Variants in SH3BP4 observed in about 807,000 individuals in gnomAD.
The protein encoded by SH3BP4 is SH3 domain binding protein 4.
Under a neutral mutation model 65.5 loss-of-function variants are expected in SH3BP4, and 33 were observed. The observed-to-expected ratio is 0.50, with a 90% CI of 0.38 to 0.67. The LOEUF (loss-of-function observed/expected upper bound fraction) is 0.67. SH3BP4 is among the 30% of genes least tolerant of loss of function. The pLI, the probability that SH3BP4 is intolerant of heterozygous loss-of-function variation, is 0.00. For synonymous variants in SH3BP4, 552 were observed against 545.5 expected, an observed-to-expected ratio of 1.01 and a Z score of -0.17; for missense variants, 1,134 against 1,261.4, an observed-to-expected ratio of 0.90 and a Z score of 1.53.
chr2:235,012,886 A>G (rs939736972), intron 2 of SH3BP4, among the ~76,000 whole-genome samples: 2 of 152,216 alleles, frequency 1.3e-5, no homozygotes, highest in Admixed American at 6.5e-5. Flanking sequence ...GAGAAAGCCA[A>G]GGACCACACC....
intron 2 of SH3BP4, among the ~76,000 whole-genome samples, chr2:234,996,835 G>T (rs1048072454): frequency 1.3e-5 from 2 of 152,206 alleles, no homozygotes; most frequent in African/African-American, 4.8e-5. Context: ...TTGCATTTGG[G>T]GCATCGCCAG....
At chr2:235,048,677 G>A (rs539921084) in intron 4 of SH3BP4, among the ~76,000 whole-genome samples, 23 of 152,332 alleles carry the variant, frequency 1.5e-4, no homozygotes, top group Non-Finnish European at 2.2e-4. Flanking sequence ...GACTCTGGCC[G>A]CCAGGCCCGC....
intron 2 of SH3BP4, among the ~76,000 whole-genome samples, chr2:235,029,889 C>T (rs577553789): frequency 1.5e-4 from 23 of 152,198 alleles, no homozygotes; most frequent in Non-Finnish European, 2.6e-4. Flanking sequence ...TGGGAATCAG[C>T]GGAGCTAAGA....
intron 2 of SH3BP4, among the ~76,000 whole-genome samples, chr2:234,996,993 G>A (rs920442009): frequency 4.6e-5 from 7 of 152,142 alleles, no homozygotes; most frequent in African/African-American, 9.7e-5. Flanking sequence ...GAAGAGGAAC[G>A]GGAGGGTGGG....
chr2:234,980,484 G>GT (rs1693342887), intron 1 of SH3BP4, among the ~76,000 whole-genome samples: 1 of 152,218 alleles, frequency 6.6e-6, no homozygotes, highest in Non-Finnish European at 1.5e-5. Context: ...GGGGACTGCT[G>GT]TATGTTAATG....
At chr2:235,031,510 G>A (rs1420377367) in intron 2 of SH3BP4, among the ~76,000 whole-genome samples, 1 of 152,150 alleles carries the variant, frequency 6.6e-6, no homozygotes, top group Non-Finnish European at 1.5e-5. Flanking sequence ...CTCCTCAATC[G>A]GAAAGCTGCA....
chr2:235,000,350 G>A (rs909217966), intron 2 of SH3BP4, among the ~76,000 whole-genome samples: 1 of 152,192 alleles, frequency 6.6e-6, no homozygotes, highest in African/African-American at 2.4e-5. Flanking sequence ...TGTTATTGAT[G>A]TGACTGGGGG....
chr2:234,970,177 G>T (rs551721262), intron 1 of SH3BP4, among the ~76,000 whole-genome samples: 1 of 152,210 alleles, frequency 6.6e-6, no homozygotes, highest in African/African-American at 2.4e-5. Flanking sequence ...TTTCTAGAGC[G>T]CTTCTGCTTT....
Position 235,043,175 on chromosome 2 carries a change from A to G in SH3BP4, c.2406A>G (p.Leu802=), listed in dbSNP as rs3795962. The G allele has an allele frequency of 0.51, 828,421 of 1,609,960 alleles. 226,975 individuals are homozygous for G. Among genetic ancestry groups the G allele is most frequent in the East Asian group, 0.92 (41,111 of 44,772 alleles). The stretch of plus-strand genomic sequence containing the variant: ...AGCCCGAGCGGGTGGCGTCCGTCCT[A>G]GAAAAGCTGAAGGAGGACTGTAACA... ...DSEPERVASV[L]EKLKEDCNNT... is the part of the protein sequence containing the mutation. The change falls in exon 4 of 6, where the codon CTA becomes CTG. Residue 802 remains leucine (L), a synonymous_variant. Coordinates refer to ENST00000392011, the MANE Select transcript of SH3BP4 (RefSeq NM_014521.3).
chr2:235,002,078 C>T (rs901044026), intron 2 of SH3BP4, among the ~76,000 whole-genome samples: 4 of 152,142 alleles, frequency 2.6e-5, no homozygotes, highest in Non-Finnish European at 4.4e-5. Context: ...CCAGGCTGAT[C>T]TCAAACTCCT....
intron 1 of SH3BP4, among the ~76,000 whole-genome samples, chr2:234,959,043 C>G (rs1379920943): frequency 6.6e-6 from 1 of 152,070 alleles, no homozygotes; most frequent in Non-Finnish European, 1.5e-5. Flanking sequence ...TCACCAGGAG[C>G]AGCTGGTTAA....
chr2:234,993,152 A>C (rs1693805254), intron 1 of SH3BP4, among the ~76,000 whole-genome samples: 1 of 152,230 alleles, frequency 6.6e-6, no homozygotes, highest in Non-Finnish European at 1.5e-5. Context: ...TGCCCCCGGC[A>C]GAGTGAGGAG....
intron 2 of SH3BP4, among the ~76,000 whole-genome samples, chr2:235,000,731 G>A (rs1301340584): frequency 1.3e-5 from 2 of 152,238 alleles, no homozygotes; most frequent in African/African-American, 2.4e-5. Context: ...GCCCAGCCTC[G>A]CATTTGGCAG....
chr2:235,017,757 T>C (rs1694734196), intron 2 of SH3BP4, among the ~76,000 whole-genome samples: 1 of 152,198 alleles, frequency 6.6e-6, no homozygotes, highest in South Asian at 2.1e-4. Flanking sequence ...TGTAGTGTTA[T>C]CAGCATTAAA....
At chr2:235,023,897 A>C (rs1385225135) in intron 2 of SH3BP4, among the ~76,000 whole-genome samples, 2 of 152,142 alleles carry the variant, frequency 1.3e-5, no homozygotes, top group Non-Finnish European at 2.9e-5. Context: ...GTGAGGAACT[A>C]GGTTGCTCCC....
intron 1 of SH3BP4, among the ~76,000 whole-genome samples, chr2:234,971,721 T>G (rs1693007281): frequency 1.3e-5 from 2 of 152,230 alleles, no homozygotes; most frequent in African/African-American, 4.8e-5. Flanking sequence ...GTGTTTTTGA[T>G]TTGCATCTCT....
Position 234,952,029 on chromosome 2 carries a change from A to G in SH3BP4, c.-348A>G, listed in dbSNP as rs1260073936. 2 of 136,634 alleles carry G rather than the reference A, an allele frequency of 1.5e-5. No homozygotes were observed. Among genetic ancestry groups the G allele is most frequent in the Non-Finnish European group, 3.2e-5 (2 of 62,720 alleles). 8.5% of individuals were successfully genotyped at this position (136,634 alleles called of 1,614,324 possible). A position where few individuals can be genotyped will look rare whatever the true frequency, so the allele number is the denominator to read the frequency against. On this transcript the variant is annotated 5_prime_UTR_variant, in exon 1 of 6. Transcript: ENST00000392011. The surrounding 1 kb of genome is among the most constrained non-coding windows in gnomAD (Gnocchi z 6.5). Reference sequence around the variant, plus strand: ...GAGGCGGGGGCCCAGCGCGCCCGGCACTCTCGGCGGTCCGGGCCCCTCGCC... The same window carrying G: ...GAGGCGGGGGCCCAGCGCGCCCGGCGCTCTCGGCGGTCCGGGCCCCTCGCC...
In SH3BP4 at chr2:235,026,992, G is replaced by A. The variant is rs1559249093; in HGVS notation, c.-132-7879G>A. On this transcript the variant is annotated intron_variant, in intron 2 of 5. Coordinates refer to ENST00000392011, the MANE Select transcript of SH3BP4 (RefSeq NM_014521.3). This position sits in a 1 kb window ranked among gnomAD's most constrained non-coding sequence, Gnocchi z 4.6. ...TCAGGCACGTTCAGGGTGATATGACGATAGACAGTGCTCCAGGAGCATTAG... is the reference window on the plus strand; with the variant it reads ...TCAGGCACGTTCAGGGTGATATGACAATAGACAGTGCTCCAGGAGCATTAG... Among the ~76,000 whole-genome samples the A allele has an allele frequency of 6.6e-6, 1 of 152,230 alleles. No homozygotes were observed. The highest frequency in any genetic ancestry group is 2.4e-5 in the African/African-American group (1 of 41,458).
At position 235,039,146 on chromosome 2, in the gene SH3BP4, C is replaced by A. The variant is rs1017073111; in HGVS notation, c.119-1742C>A. 3.4e-4 allele frequency among the ~76,000 whole-genome samples: 52 copies of A among 152,232 alleles called. 1 individual carries two copies. The highest frequency in any genetic ancestry group is 1.1e-3 in the African/African-American group (47 of 41,546). On this transcript the variant is annotated intron_variant, in intron 3 of 5. Transcript: ENST00000392011. Reference sequence around the variant, plus strand: ...AGTCTGGGTTTAGTGATCCCAGAGCCGGGTTCTCTGAGACACCCAGATAGA... The same window carrying A: ...AGTCTGGGTTTAGTGATCCCAGAGCAGGGTTCTCTGAGACACCCAGATAGA...
Sources: gnomAD v4.1 joint callset for allele counts (sites outside exome capture counted in the v4.1 genomes callset) on GRCh38, gnomAD v4.1.1 for gene constraint, Gnocchi (gnomAD v3.1) non-coding constraint, MANE v1.5 for transcripts, NCBI Gene and HGNC (gene_info 2026-07-23, HGNC 2026-07-21) for gene names.